The following TTC6 variants were observed in gnomAD, a reference collection of about 807,000 sequenced individuals.
The protein encoded by TTC6 is tetratricopeptide repeat domain 6.
In TTC6, 172 loss-of-function variants were observed where a neutral mutation model predicts 210.4. The observed-to-expected ratio is 0.82, with a 90% CI of 0.72 to 0.93. The LOEUF (loss-of-function observed/expected upper bound fraction) is 0.93, where lower values mean the gene tolerates loss of function less well. Among genes scored for constraint, TTC6 ranks in the 40% least tolerant of loss-of-function variants. The pLI is 0.00. For missense variants in TTC6, 2,414 were observed against 2,318.1 expected (o/e 1.04, Z -0.85); for synonymous variants, 804 against 819.6 (o/e 0.98, Z 0.32).
intron 26 of TTC6, among the ~76,000 whole-genome samples, chr14:37,820,908 CCTCCTCCTT>C (rs1230852017): frequency 6.7e-6 from 1 of 149,132 alleles, no homozygotes; most frequent in African/African-American, 2.5e-5. Flanking sequence ...TCCTCCTTCT[CCTCCTCCTT>C]CTCCTCCTTC....
At chr14:37,620,267 G>C (rs995950279), upstream of TTC6, among the ~76,000 whole-genome samples, 1 of 152,114 alleles carries the variant, frequency 6.6e-6, no homozygotes, top group Non-Finnish European at 1.5e-5. Flanking sequence ...TAGAGTTCTA[G>C]TGTCTGTGTT....
intron 18 of TTC6, 82 bp downstream of exon 20, chr14:37,795,434 C>G: frequency 3.6e-6 from 3 of 840,754 alleles, no homozygotes; most frequent in South Asian, 2.1e-5. Flanking sequence ...CCCTCTTGAA[C>G]CTTTCAGGCT....
chr14:37,659,052 C>T (rs1190636095), intron 1 of TTC6, among the ~76,000 whole-genome samples: 3 of 152,008 alleles, frequency 2.0e-5, no homozygotes, highest in Non-Finnish European at 2.9e-5. Context: ...TTCCTGTATT[C>T]GTTTGCTAAG....
At chr14:37,620,273 G>C (rs2095649231), upstream of TTC6, among the ~76,000 whole-genome samples, 1 of 152,154 alleles carries the variant, frequency 6.6e-6, no homozygotes, top group Admixed American at 6.5e-5. Flanking sequence ...TCTAGTGTCT[G>C]TGTTTTCAGT....
intron 27 of TTC6, among the ~76,000 whole-genome samples, chr14:37,825,521 T>TCACTG (rs2096168883): frequency 6.6e-6 from 1 of 152,142 alleles, no homozygotes; most frequent in Non-Finnish European, 1.5e-5. Flanking sequence ...ATTTATTAAC[T>TCACTG]CACTGCCTTT....
At chr14:37,739,116 T>C (rs1314107157) in exon 10 of TTC6, 33 of 1,524,290 alleles carry the variant, frequency 2.2e-5, no homozygotes, top group Non-Finnish European at 2.8e-5. Context: ...CTTATATTCG[T>C]GCATGAAGAG....
At position 37,740,018 on chromosome 14, in the gene TTC6, C is replaced by T. The variant is rs140116890; in HGVS notation, c.2363+863C>T. Reference sequence around the variant, plus strand: ...CTCTACTAAAAATACAAAAAAATTACCCAGGCGTGATGGTGGGCACCTGTA... The same window carrying T: ...CTCTACTAAAAATACAAAAAAATTATCCAGGCGTGATGGTGGGCACCTGTA... On this transcript the variant is annotated intron_variant, in intron 10 of 30. Transcript: ENST00000553443. 5.1e-3 allele frequency among the ~76,000 whole-genome samples: 778 copies of T among 151,780 alleles called. 7 individuals are homozygous for T. The highest frequency in any genetic ancestry group is 0.017 in the African/African-American group (719 of 41,398).
rs2096009524 is a variant in TTC6, at chr14:37,769,178, T to C, written c.3266+15943T>C. Among the ~76,000 whole-genome samples, 4 of 151,846 alleles carry C rather than the reference T, an allele frequency of 2.6e-5. No homozygotes were observed. The South Asian group carries it at 8.3e-4, about 32-fold the overall frequency. ...CACTTGATCATGATGGATAAGCTTT[T>C]TGATGTGCTGCTGGATTCGTTTTGC... On this transcript the variant is annotated intron_variant, in intron 14 of 30. Coordinates refer to ENST00000553443, the Ensembl canonical transcript of TTC6.
chr14:37,827,082 C>G, intron 28 of TTC6, 114 bp from the exon 31 acceptor site: 1 of 852,122 alleles, frequency 1.2e-6, no homozygotes, highest in Non-Finnish European at 1.7e-6. Context: ...TTTACATGCA[C>G]TATAAAATTA....
At chr14:37,786,849 C>T (rs1419495908) in intron 14 of TTC6, among the ~76,000 whole-genome samples, 1 of 152,142 alleles carries the variant, frequency 6.6e-6, no homozygotes, top group Admixed American at 6.5e-5. Flanking sequence ...TATTTTATTT[C>T]TAAAAATGGA....
At chr14:37,784,385 T>C (rs1413121915) in intron 14 of TTC6, among the ~76,000 whole-genome samples, 1 of 152,174 alleles carries the variant, frequency 6.6e-6, no homozygotes, top group Non-Finnish European at 1.5e-5. Flanking sequence ...ATGGCCTCCT[T>C]GTGTCTTTTG....
At chr14:37,784,705 T>C (rs1421972845) in intron 14 of TTC6, among the ~76,000 whole-genome samples, 1 of 152,228 alleles carries the variant, frequency 6.6e-6, no homozygotes, top group Non-Finnish European at 1.5e-5. Flanking sequence ...TGATGCAGTT[T>C]TTTCCTAGCA....
intron 14 of TTC6, among the ~76,000 whole-genome samples, chr14:37,780,004 C>T (rs937093825): frequency 6.6e-5 from 10 of 152,052 alleles, no homozygotes; most frequent in African/African-American, 2.2e-4. Flanking sequence ...TGATGAAGGT[C>T]TGAATTACTG....
At chr14:37,660,685 A>G (rs2095735572) in intron 1 of TTC6, among the ~76,000 whole-genome samples, 1 of 152,150 alleles carries the variant, frequency 6.6e-6, no homozygotes, top group Non-Finnish European at 1.5e-5. Context: ...AGAATGATTT[A>G]TATTGCTTTG....
chr14:37,641,654 T>C (rs1169103158), intron 1 of TTC6, among the ~76,000 whole-genome samples: 2 of 152,248 alleles, frequency 1.3e-5, no homozygotes, highest in Non-Finnish European at 2.9e-5. Context: ...AAGCTTTAAA[T>C]TTTTAGTTTA....
chr14:37,825,682 G>T (rs752353835), intron 27 of TTC6, among the ~76,000 whole-genome samples: 13 of 152,070 alleles, frequency 8.5e-5, no homozygotes, highest in Non-Finnish European at 1.8e-4. Flanking sequence ...CATGGAATAC[G>T]TATAGTGATA....
At chr14:37,830,949 C>T (rs1327452574) in intron 29 of TTC6, among the ~76,000 whole-genome samples, 3 of 152,128 alleles carry the variant, frequency 2.0e-5, no homozygotes, top group South Asian at 2.1e-4. Flanking sequence ...TATTTCAAAT[C>T]GTCTAGCCAT....
At chr14:37,656,175 G>A (rs915769556) in intron 1 of TTC6, among the ~76,000 whole-genome samples, 3 of 152,150 alleles carry the variant, frequency 2.0e-5, no homozygotes, top group Non-Finnish European at 4.4e-5. Context: ...AAATCCAGGT[G>A]TAGCAGTGAA....
chr14:37,646,168 G>C (rs1566861080), intron 1 of TTC6, among the ~76,000 whole-genome samples: 6 of 152,220 alleles, frequency 3.9e-5, no homozygotes, highest in Admixed American at 3.9e-4. Flanking sequence ...AGGCGTATGT[G>C]TACAGGATGA....
Sources: allele counts gnomAD v4.1 joint callset (sites outside exome capture counted in the v4.1 genomes callset), GRCh38; gene constraint gnomAD v4.1.1; transcripts MANE v1.5; gene names NCBI Gene and HGNC (gene_info 2026-07-23, HGNC 2026-07-21).